ERICH6B: variants seen among roughly 807,000 people sequenced by gnomAD.
ERICH6B encodes the protein glutamate-rich protein 6B.
ERICH6B carries 69 observed loss-of-function variants against 80.0 expected under a neutral mutation model. The observed-to-expected ratio is 0.86, with a 90% CI of 0.71 to 1.05. The LOEUF (loss-of-function observed/expected upper bound fraction) is 1.05, where lower values mean the gene tolerates loss of function less well. Among genes scored for constraint, ERICH6B ranks in the 50% least tolerant of loss-of-function variants. The probability of loss-of-function intolerance (pLI) is 0.00; values close to 1 mark genes in which losing one functional copy is unlikely to be tolerated. For synonymous variants in ERICH6B, 283 were observed against 291.9 expected, an observed-to-expected ratio of 0.97 and a Z score of 0.31; for missense variants, 754 against 796.1, an observed-to-expected ratio of 0.95 and a Z score of 0.64.
At chr13:45,543,643 G>A (rs1450932330) in intron 14 of ERICH6B, among the ~76,000 whole-genome samples, 1 of 152,204 alleles carries the variant, frequency 6.6e-6, no homozygotes, top group Non-Finnish European at 1.5e-5. Context: ...GAGGATGGTG[G>A]CCCCATGGAC....
chr13:45,560,714 G>A (rs547909074), intron 11 of ERICH6B, among the ~76,000 whole-genome samples: 43 of 152,110 alleles, frequency 2.8e-4, no homozygotes, highest in Non-Finnish European at 5.0e-4. Flanking sequence ...ATCATAATAT[G>A]TAACCTTTTC....
chr13:45,568,323 C>T lies in ERICH6B; in HGVS notation c.1179G>A (p.Leu393=). The change falls in exon 9 of 15, where the codon CTG becomes CTA. Residue 393 remains leucine (L), a synonymous_variant. Coordinates refer to ENST00000298738, the MANE Select transcript of ERICH6B (RefSeq NM_182542.3). The part of the protein sequence containing the change: ...KLLESENRWK[L]VIMLKKNYEK... ...CCTCACCAGTTACTTACATAATTACCAGTTTCCATCTGTTTTCACTTTCCA... is the reference window on the plus strand; with the variant it reads ...CCTCACCAGTTACTTACATAATTACTAGTTTCCATCTGTTTTCACTTTCCA... The T allele has an allele frequency of 6.5e-7, 1 of 1,542,032 alleles. No individual in the cohort carries two copies. Among genetic ancestry groups the T allele is most frequent in the Non-Finnish European group, 8.7e-7 (1 of 1,143,630 alleles).
intron 9 of ERICH6B, 145 bp downstream of exon 9, chr13:45,568,170 G>T: frequency 1.2e-6 from 1 of 843,256 alleles, no homozygotes; most frequent in Non-Finnish European, 1.7e-6. Context: ...CCCTGTGCTT[G>T]GCCTGTTCCT....
intron 5 of ERICH6B, among the ~76,000 whole-genome samples, chr13:45,582,844 C>G (rs1443534000): frequency 6.6e-6 from 1 of 152,178 alleles, no homozygotes; most frequent in African/African-American, 2.4e-5. Context: ...CCACAGTTCC[C>G]TAATCTGATA....
rs541457590 is a variant in ERICH6B at position 45,564,922 on chromosome 13, G to A, written c.1188-1134C>T. ...TTGTTTTTTGCCCACCTTTGCAAGC[G>A]AGTGGAATCCCCATCAGGCGGCTCT... On this transcript the variant is annotated intron_variant, in intron 9 of 14. Transcript: ENST00000298738. Among the ~76,000 whole-genome samples the A allele has an allele frequency of 1.6e-4, 25 of 152,306 alleles. 1 individual carries two copies. The South Asian group carries it at 4.2e-3, about 25-fold the overall frequency.
intron 8 of ERICH6B, among the ~76,000 whole-genome samples, chr13:45,574,617 C>A (rs1304355538): frequency 1.3e-5 from 2 of 152,092 alleles, no homozygotes; most frequent in African/African-American, 4.8e-5. Flanking sequence ...CCAGGTTGCC[C>A]CATCTACATA....
rs17066902 is a variant in ERICH6B, at chr13:45,561,418, T to C, written c.1358A>G (p.His453Arg). 3,285 of 1,552,364 alleles carry C rather than the reference T, an allele frequency of 2.1e-3. 73 individuals carry two copies. The African/African-American group carries it at 0.041, about 19-fold the overall frequency. Residue 453 changes from histidine to arginine, a missense_variant, in exon 11 of 15, where the codon CAT becomes CGT. Transcript: ENST00000298738. ...CTTATCTCGTTCTAATTTCTTCCTA[T>C]GATGAACAACACGTTGAGGCTTTTG... ...EIQKPQRVVH[H>R]RKKLERDKEW...
chr13:45,542,392 C>T (rs1873815938), intron 14 of ERICH6B, among the ~76,000 whole-genome samples: 1 of 152,222 alleles, frequency 6.6e-6, no homozygotes, highest in East Asian at 1.9e-4. Flanking sequence ...GCCTGTTCTT[C>T]CCTGGGCACA....
At chr13:45,586,664 T>C (rs1875916121) in intron 5 of ERICH6B, among the ~76,000 whole-genome samples, 1 of 152,072 alleles carries the variant, frequency 6.6e-6, no homozygotes, top group Non-Finnish European at 1.5e-5. Context: ...CATGATTATC[T>C]GGATATGGCC....
At chr13:45,583,198 G>A (rs769310866) in intron 5 of ERICH6B, among the ~76,000 whole-genome samples, 63 of 152,166 alleles carry the variant, frequency 4.1e-4, no homozygotes, top group Non-Finnish European at 6.3e-4. Flanking sequence ...AAATTAAATA[G>A]CAATTAAACA....
intron 9 of ERICH6B, among the ~76,000 whole-genome samples, chr13:45,565,113 G>A (rs564185758): frequency 2.6e-5 from 4 of 152,208 alleles, no homozygotes; most frequent in South Asian, 2.1e-4. Context: ...GTGGGATAAC[G>A]TATAGAGATA....
rs143088466 is a variant in ERICH6B, at chr13:45,557,605, G to A, written c.1407+3764C>T. 1.2e-4 allele frequency among the ~76,000 whole-genome samples: 19 copies of A among 152,296 alleles called. No homozygotes were observed. The East Asian group carries it at 3.7e-3, about 29-fold the overall frequency. On this transcript the variant is annotated intron_variant, in intron 11 of 14. Coordinates refer to ENST00000298738, the MANE Select transcript of ERICH6B (RefSeq NM_182542.3). ...CTTGATCTATCTTGAGTTTATTTCT[G>A]TATAAGGTGAGAGATGAGGATCCAG...
chr13:45,606,700 C>CCCA (rs996894228), intron 2 of ERICH6B, among the ~76,000 whole-genome samples: 8 of 150,740 alleles, frequency 5.3e-5, no homozygotes, highest in African/African-American at 2.0e-4. Flanking sequence ...ACTACAGGTG[C>CCCA]CCATCACCAT....
intron 4 of ERICH6B, among the ~76,000 whole-genome samples, chr13:45,587,964 A>G (rs144941449): frequency 6.9e-4 from 105 of 152,326 alleles, no homozygotes; most frequent in African/African-American, 2.5e-3. Flanking sequence ...ACAGGTGGTG[A>G]CTATGGTTGG....
At chr13:45,605,221 G>A (rs1197316662) in intron 2 of ERICH6B, among the ~76,000 whole-genome samples, 1 of 152,174 alleles carries the variant, frequency 6.6e-6, no homozygotes, top group African/African-American at 2.4e-5. Context: ...TCTCCAGGGA[G>A]CCCTGCTGCC....
chr13:45,575,476 G>A (rs986252416), intron 7 of ERICH6B, among the ~76,000 whole-genome samples: 6 of 152,138 alleles, frequency 3.9e-5, no homozygotes, highest in South Asian at 2.1e-4. Flanking sequence ...CGTGGTGGGC[G>A]GGGGCCAGCT....
chr13:45,550,102 G>T, intron 12 of ERICH6B, 57 bp from the exon 13 acceptor site: 1 of 1,544,848 alleles, frequency 6.5e-7, no homozygotes, highest in Non-Finnish European at 8.7e-7. Context: ...GAAAAGGTAG[G>T]GCCCTGCAGA....
chr13:45,557,596 T>C lies in ERICH6B; in HGVS notation c.1407+3773A>G, dbSNP rs149048884. Among the ~76,000 whole-genome samples, 751 of 152,286 alleles carry C rather than the reference T, an allele frequency of 4.9e-3. 4 individuals carry two copies. Among genetic ancestry groups the C allele is most frequent in the African/African-American group, 0.017 (723 of 41,556 alleles). Reference sequence around the variant, plus strand: ...ATTTAAGTCCTTGATCTATCTTGAGTTTATTTCTGTATAAGGTGAGAGATG... The same window carrying C: ...ATTTAAGTCCTTGATCTATCTTGAGCTTATTTCTGTATAAGGTGAGAGATG... On this transcript the variant is annotated intron_variant, in intron 11 of 14. Coordinates refer to ENST00000298738, the MANE Select transcript of ERICH6B (RefSeq NM_182542.3).
At chr13:45,599,401 T>A (rs1422692470) in intron 2 of ERICH6B, among the ~76,000 whole-genome samples, 1 of 152,232 alleles carries the variant, frequency 6.6e-6, no homozygotes, top group Non-Finnish European at 1.5e-5. Context: ...GCAACAAATT[T>A]AGTTATTAAT....
Sources: gnomAD v4.1 joint callset for allele counts (sites outside exome capture counted in the v4.1 genomes callset) on GRCh38, gnomAD v4.1.1 for gene constraint, MANE v1.5 for transcripts, NCBI Gene and HGNC (gene_info 2026-07-23, HGNC 2026-07-21) for gene names.